The following RAD54B variants were observed in gnomAD, a reference collection of about 807,000 sequenced individuals.
RAD54B encodes DNA repair and recombination protein RAD54B.
Under a neutral mutation model 95.8 loss-of-function variants are expected in RAD54B, and 78 were observed. That is an observed-to-expected ratio of 0.81 (90% CI 0.68 to 0.98). The LOEUF (loss-of-function observed/expected upper bound fraction) is 0.98, where lower values mean the gene tolerates loss of function less well. Ranked by LOEUF, RAD54B falls within the 50% of genes least tolerant of loss-of-function variation. RAD54B has a pLI of 0.00. For missense variants in RAD54B, 957 were observed against 1,056.6 expected (o/e 0.91, Z 1.31); for synonymous variants, 328 against 354.9 (o/e 0.92, Z 0.85).
Position 94,399,297 on chromosome 8 carries a change from T to C in RAD54B, c.1378+117A>G, listed in dbSNP as rs912566737. The C allele has an allele frequency of 2.6e-5, 20 of 760,558 alleles. No homozygotes were observed. In the African/African-American group the frequency reaches 3.0e-4, roughly 11 times the overall value. 47.1% of individuals were successfully genotyped at this position (760,558 alleles called of 1,614,324 possible). A position where few individuals can be genotyped will look rare whatever the true frequency, so the allele number is the denominator to read the frequency against. On this transcript the variant is annotated intron_variant, in intron 8 of 14. Coordinates refer to ENST00000336148, the MANE Select transcript of RAD54B (RefSeq NM_012415.3). ...TACCAAGAGTTAATTAACACAGGTT[T>C]ATTAGTATAAATTCCATCCAACACC... is the stretch of plus-strand genomic sequence containing the variant.
chr8:94,418,138 T>C (rs1586152635), intron 3 of RAD54B, among the ~76,000 whole-genome samples: 2 of 152,208 alleles, frequency 1.3e-5, no homozygotes, highest in African/African-American at 4.8e-5. Context: ...ATGTAGTGGA[T>C]AGTTTTTTAC....
At chr8:94,430,730 G>T in intron 3 of RAD54B, 1 of 954,032 alleles carries the variant, frequency 1.0e-6, no homozygotes, top group Non-Finnish European at 1.2e-6. Flanking sequence ...TGTGTTATTT[G>T]CAAACATTTT....
intron 3 of RAD54B, among the ~76,000 whole-genome samples, chr8:94,448,602 A>G (rs1404091144): frequency 6.6e-6 from 1 of 151,838 alleles, no homozygotes; most frequent in Non-Finnish European, 1.5e-5. Context: ...TTGCCACAAC[A>G]TGGAAGGATG....
At position 94,393,883 on chromosome 8, in the gene RAD54B, C is replaced by T; in HGVS notation, c.1379-1G>A. On this transcript the variant is annotated splice_acceptor_variant, in intron 8 of 14. Coordinates refer to ENST00000336148, the MANE Select transcript of RAD54B (RefSeq NM_012415.3). LOFTEE classifies it high-confidence loss of function. ...TGCAGATCATTCTGAATTGGAGTAC[C>T]TAAAGAGAGACAAAAATGAGTAAAA... The T allele has an allele frequency of 6.3e-7, 1 of 1,580,232 alleles. No homozygotes were observed. The highest frequency in any genetic ancestry group is 1.4e-5 in the African/African-American group (1 of 72,902).
intron 3 of RAD54B, among the ~76,000 whole-genome samples, chr8:94,434,243 T>C (rs1414178125): frequency 6.6e-6 from 1 of 151,864 alleles, no homozygotes; most frequent in Non-Finnish European, 1.5e-5. Flanking sequence ...AGTATAAACA[T>C]AGACATAATA....
chr8:94,400,362 T>C lies in RAD54B; in HGVS notation c.1046A>G (p.Tyr349Cys), dbSNP rs2130008469. Residue 349 changes from tyrosine to cysteine, a missense_variant, in exon 7 of 15, where the codon TAT becomes TGT. Transcript: ENST00000336148. Reference sequence around the variant, plus strand: ...CTTCTTTATTACTGGCTTGCCTCCATAGGGTCCCTGACACTGCAGGGTCCA... The same window carrying C: ...CTTCTTTATTACTGGCTTGCCTCCACAGGGTCCCTGACACTGCAGGGTCCA... ...LIWTLQCQGP[Y>C]GGKPVIKKTL... 2 of 1,613,782 alleles carry C rather than the reference T, an allele frequency of 1.2e-6. No homozygotes were observed. Among genetic ancestry groups the C allele is most frequent in the Non-Finnish European group, 1.7e-6 (2 of 1,179,868 alleles).
chr8:94,382,484 G>A (rs1242739097), intron 11 of RAD54B, among the ~76,000 whole-genome samples: 1 of 152,070 alleles, frequency 6.6e-6, no homozygotes, highest in Non-Finnish European at 1.5e-5. Context: ...AGATGTACAA[G>A]AAGTCAAAAA....
intron 11 of RAD54B, among the ~76,000 whole-genome samples, 198 bp downstream of exon 11, chr8:94,386,786 C>A (rs1284912224): frequency 2.0e-5 from 3 of 152,096 alleles, no homozygotes; most frequent in Non-Finnish European, 4.4e-5. Flanking sequence ...TAAAAGTATA[C>A]ATATGTTTAG....
intron 1 of RAD54B, among the ~76,000 whole-genome samples, chr8:94,469,525 G>A (rs1813116439): frequency 6.6e-6 from 1 of 152,144 alleles, no homozygotes; most frequent in Admixed American, 6.6e-5. Context: ...AATACAAATG[G>A]TGTAAATTTA....
chr8:94,468,354 C>T (rs915536134), intron 1 of RAD54B, among the ~76,000 whole-genome samples: 1 of 152,058 alleles, frequency 6.6e-6, no homozygotes, highest in African/African-American at 2.4e-5. Context: ...CTGTGGAGAG[C>T]TTTGCTGTGC....
chr8:94,378,394 ATTAAT>A lies in RAD54B; in HGVS notation c.2315-19_2315-15del, dbSNP rs1810651708. On this transcript the variant is annotated splice_polypyrimidine_tract_variant and intron_variant, in intron 13 of 14. Transcript: ENST00000336148. Reference sequence around the variant, plus strand: ...CTTCTATTGTACCTAAAGAGAAAACATTAATTAGATTTCCTTCAGATCTTTATGTT... The same window carrying A: ...CTTCTATTGTACCTAAAGAGAAAACATAGATTTCCTTCAGATCTTTATGTT... 6.3e-7 allele frequency: 1 copy of A among 1,598,320 alleles called. No homozygotes were observed. Among genetic ancestry groups the A allele is most frequent in the Non-Finnish European group, 8.5e-7 (1 of 1,170,528 alleles).
chr8:94,407,568 A>G lies in RAD54B; in HGVS notation c.652T>C (p.Ser218Pro). 2 of 1,614,082 alleles carry G rather than the reference A, an allele frequency of 1.2e-6. No individual in the cohort carries two copies. Among genetic ancestry groups the G allele is most frequent in the African/African-American group, 2.7e-5 (2 of 75,058 alleles). ...TTCCTGGCAACCTGAGAAGAATGCG[A>G]GATAGCAGTACTTCCTCCTCCAAGC... is the stretch of plus-strand genomic sequence containing the variant. Reference protein sequence around the residue: ...FQLGGGSTAISHSSQVARKCF... With the variant: ...FQLGGGSTAIPHSSQVARKCF... Residue 218 changes from serine (S) to proline (P), a missense_variant, in exon 5 of 15, where the codon TCG becomes CCG. Coordinates refer to ENST00000336148, the MANE Select transcript of RAD54B (RefSeq NM_012415.3).
chr8:94,454,087 G>A (rs538689291), intron 3 of RAD54B, among the ~76,000 whole-genome samples: 4 of 151,926 alleles, frequency 2.6e-5, no homozygotes, highest in South Asian at 2.1e-4. Flanking sequence ...CACCATGCCC[G>A]GCCAACTTTT....
Position 94,387,015 on chromosome 8 carries a change from CTAAGA to C in RAD54B, c.1949_1953del (p.Leu650ArgfsTer10). Reference sequence around the variant, plus strand: ...GTAGGTCGAAGTTCGTGGATAACCGCTAAGAGCTTGGACAACACCTGTAGTTTTCC... The same window carrying C: ...GTAGGTCGAAGTTCGTGGATAACCGCGCTTGGACAACACCTGTAGTTTTCC... On this transcript the variant is annotated frameshift_variant, in exon 11 of 15. Coordinates refer to ENST00000336148, the MANE Select transcript of RAD54B (RefSeq NM_012415.3). LOFTEE classifies it high-confidence loss of function. 1 of 1,608,308 alleles carries C rather than the reference CTAAGA, an allele frequency of 6.2e-7. No homozygotes were observed. Among genetic ancestry groups the C allele is most frequent in the Non-Finnish European group, 8.5e-7 (1 of 1,178,466 alleles).
At chr8:94,375,495 C>T (rs940614239) in intron 14 of RAD54B, among the ~76,000 whole-genome samples, 15 of 152,190 alleles carry the variant, frequency 9.9e-5, no homozygotes, top group Non-Finnish European at 8.8e-5. Flanking sequence ...TGATTTGCTC[C>T]TCCTTGCCTT....
At chr8:94,461,000 T>C (rs144806715) in intron 2 of RAD54B, among the ~76,000 whole-genome samples, 2 of 151,994 alleles carry the variant, frequency 1.3e-5, no homozygotes, top group East Asian at 3.9e-4. Context: ...GTCAGCAAAG[T>C]CTCTTTTGCC....
chr8:94,430,994 C>T, intron 3 of RAD54B: 1 of 985,370 alleles, frequency 1.0e-6, no homozygotes, highest in Non-Finnish European at 1.2e-6. Flanking sequence ...CTCTTGACTT[C>T]AAACACCCAT....
chr8:94,455,654 A>C (rs1812762186), intron 3 of RAD54B, among the ~76,000 whole-genome samples: 1 of 152,212 alleles, frequency 6.6e-6, no homozygotes, highest in Non-Finnish European at 1.5e-5. Flanking sequence ...TTATTCTCCC[A>C]CAGTCTGGAA....
intron 8 of RAD54B, among the ~76,000 whole-genome samples, chr8:94,398,674 C>G (rs563092575): frequency 2.9e-4 from 44 of 152,102 alleles, no homozygotes; most frequent in African/African-American, 9.9e-4. Context: ...GAATACAATT[C>G]TCTTCTTTAT....
Sources: gnomAD v4.1 joint callset for allele counts (sites outside exome capture counted in the v4.1 genomes callset) on GRCh38, gnomAD v4.1.1 for gene constraint, MANE v1.5 for transcripts, NCBI Gene and HGNC (gene_info 2026-07-23, HGNC 2026-07-21) for gene names.